Variants in MACROD2 observed in about 807,000 individuals in gnomAD.
MACROD2 encodes the protein ADP-ribose glycohydrolase MACROD2.
Under a neutral mutation model 70.4 loss-of-function variants are expected in MACROD2, and 36 were observed. That is an observed-to-expected ratio of 0.51 (90% confidence interval 0.39 to 0.68). MACROD2 has a LOEUF of 0.68. Ranked by LOEUF, MACROD2 falls within the 30% of genes least tolerant of loss-of-function variation. MACROD2 has a pLI of 0.00. For synonymous variants in MACROD2, 172 were observed against 178.8 expected (o/e 0.96, Z 0.30); for missense variants, 496 against 538.4 (o/e 0.92, Z 0.78).
chr20:15,481,981 A>G (rs1478607685), intron 7 of MACROD2, among the ~76,000 whole-genome samples: 2 of 152,050 alleles, frequency 1.3e-5, no homozygotes, highest in Non-Finnish European at 2.9e-5. Context: ...GGGTTTGTGA[A>G]TCATTATTTA....
intron 7 of MACROD2, among the ~76,000 whole-genome samples, chr20:15,456,258 A>C (rs6034195): frequency 6.6e-6 from 1 of 151,952 alleles, no homozygotes; most frequent in African/African-American, 2.4e-5. Flanking sequence ...CCTAAAACAC[A>C]TCCTTTGCTT....
rs1191892452 is a variant in MACROD2 at position 15,975,337 on chromosome 20, A to AT, written c.985+7708dup. ...TCATCAGCAATTTTGGGAAAACCTA[A>AT]TAAAAGGTAGAATGTTCATACTTTG... On this transcript the variant is annotated intron_variant, in intron 13 of 17. Coordinates refer to ENST00000684519, the MANE Select transcript of MACROD2 (RefSeq NM_001351661.2). Among the ~76,000 whole-genome samples, 4 of 152,272 alleles carry AT rather than the reference A, an allele frequency of 2.6e-5. No homozygotes were observed. In the South Asian group the frequency reaches 8.3e-4, roughly 32 times the overall value.
At chr20:14,402,847 A>G (rs1480360235) in intron 3 of MACROD2, among the ~76,000 whole-genome samples, 2 of 152,140 alleles carry the variant, frequency 1.3e-5, no homozygotes, top group Non-Finnish European at 1.5e-5. Flanking sequence ...TCTTTTGCCA[A>G]ACACTGAACA....
At position 14,065,457 on chromosome 20, in the gene MACROD2, G is replaced by T. The variant is rs1481143336; in HGVS notation, c.164-20164G>T. On this transcript the variant is annotated intron_variant, in intron 2 of 17. Transcript: ENST00000684519. ...CCTGGCAGGAGAAAGGAGTATTTGG[G>T]CATAATTAGTGTTTTTACAAAGTAT... Among the ~76,000 whole-genome samples, 5 of 152,110 alleles carry T rather than the reference G, an allele frequency of 3.3e-5. No homozygotes were observed. In the East Asian group the frequency reaches 9.6e-4, roughly 29 times the overall value.
chr20:14,849,905 A>C, intron 5 of MACROD2: 1 of 492,982 alleles, frequency 2.0e-6, no homozygotes, highest in Non-Finnish European at 4.0e-6. Context: ...TCATCGTAGC[A>C]AATTTGGATG....
rs148412112 is a variant in MACROD2, at chr20:15,455,467, G to A, written c.571+24032G>A. ...CTGAGCAACCCAGAACATTCAACAA[G>A]TAATAAATGAAAACGTCAGGGCCCT... On this transcript the variant is annotated intron_variant, in intron 7 of 17. Transcript: ENST00000684519. 3.9e-3 allele frequency among the ~76,000 whole-genome samples: 601 copies of A among 152,264 alleles called. 1 individual carries two copies. The highest frequency in any genetic ancestry group is 0.013 in the African/African-American group (542 of 41,556).
At chr20:14,654,785 C>G (rs765133552) in intron 4 of MACROD2, among the ~76,000 whole-genome samples, 2 of 152,124 alleles carry the variant, frequency 1.3e-5, no homozygotes, top group Non-Finnish European at 2.9e-5. Context: ...AACAAGAGCT[C>G]TCTATTTCAC....
At chr20:14,678,285 G>T (rs1049707745) in intron 4 of MACROD2, among the ~76,000 whole-genome samples, 2 of 152,096 alleles carry the variant, frequency 1.3e-5, no homozygotes, top group Non-Finnish European at 2.9e-5. Context: ...CTTTAAACAG[G>T]ACTCAGTCTC....
At chr20:15,037,669 T>G (rs1194082140) in intron 5 of MACROD2, among the ~76,000 whole-genome samples, 2 of 147,782 alleles carry the variant, frequency 1.4e-5, no homozygotes, top group Non-Finnish European at 3.0e-5. Context: ...CTTTTAACTA[T>G]TTTAACTTTA....
chr20:14,545,315 T>C (rs1214439439), intron 4 of MACROD2, among the ~76,000 whole-genome samples: 2 of 152,202 alleles, frequency 1.3e-5, no homozygotes, highest in Non-Finnish European at 2.9e-5. Flanking sequence ...TCCTTGGATC[T>C]GGGAGTCCAG....
At chr20:14,354,041 A>G (rs1480827972) in intron 3 of MACROD2, among the ~76,000 whole-genome samples, 2 of 152,056 alleles carry the variant, frequency 1.3e-5, no homozygotes, top group African/African-American at 2.4e-5. Flanking sequence ...TTAGTATTTG[A>G]GTTATTAATT....
At chr20:14,098,337 T>C (rs1368359087) in intron 3 of MACROD2, among the ~76,000 whole-genome samples, 1 of 152,198 alleles carries the variant, frequency 6.6e-6, no homozygotes, top group Non-Finnish European at 1.5e-5. Flanking sequence ...AGTTTTATAA[T>C]AAAAGCCAAG....
intron 3 of MACROD2, among the ~76,000 whole-genome samples, chr20:14,162,055 A>T (rs1248112490): frequency 1.3e-5 from 2 of 152,190 alleles, no homozygotes; most frequent in African/African-American, 4.8e-5. Flanking sequence ...CTTTTGCTGC[A>T]TCCCATAGGT....
chr20:14,768,088 G>A (rs1367011026), intron 5 of MACROD2, among the ~76,000 whole-genome samples: 4 of 151,986 alleles, frequency 2.6e-5, no homozygotes, highest in East Asian at 1.9e-4. Flanking sequence ...GAATACTGCC[G>A]CAATAAACAT....
chr20:15,976,996 A>G (rs372115864), intron 13 of MACROD2, among the ~76,000 whole-genome samples: 1 of 152,164 alleles, frequency 6.6e-6, no homozygotes, highest in African/African-American at 2.4e-5. Context: ...GCTCTATTAA[A>G]TGGGGACCTG....
chr20:15,756,444 A>G lies in MACROD2; in HGVS notation c.646-106301A>G, dbSNP rs555335505. 3.0e-4 allele frequency among the ~76,000 whole-genome samples: 45 copies of G among 152,302 alleles called. No homozygotes were observed. The South Asian group carries it at 8.9e-3, about 30-fold the overall frequency. ...AAAATTTACAAGGAGGTCACATATC[A>G]TATTGATTTTTAACCCCCTAAGCAG... On this transcript the variant is annotated intron_variant, in intron 8 of 17. Coordinates refer to ENST00000684519, the MANE Select transcript of MACROD2 (RefSeq NM_001351661.2).
At chr20:14,599,557 C>T (rs1982350965) in intron 4 of MACROD2, among the ~76,000 whole-genome samples, 1 of 152,084 alleles carries the variant, frequency 6.6e-6, no homozygotes, top group South Asian at 2.1e-4. Flanking sequence ...TAGGTAGAGA[C>T]TGGATTGAGG....
At chr20:15,112,921 C>CT (rs964597078) in intron 5 of MACROD2, among the ~76,000 whole-genome samples, 1 of 143,248 alleles carries the variant, frequency 7.0e-6, no homozygotes, top group Non-Finnish European at 1.6e-5. Flanking sequence ...TCAGAATTTC[C>CT]TTTTTTTTCC....
chr20:15,594,476 T>C (rs1253597077), intron 8 of MACROD2, among the ~76,000 whole-genome samples: 3 of 152,204 alleles, frequency 2.0e-5, no homozygotes, highest in Admixed American at 2.0e-4. Context: ...GTGGGGTTAC[T>C]GGGCTGCCCT....
Sources: allele counts gnomAD v4.1 joint callset (sites outside exome capture counted in the v4.1 genomes callset), GRCh38; gene constraint gnomAD v4.1.1; transcripts MANE v1.5; gene names NCBI Gene and HGNC (gene_info 2026-07-23, HGNC 2026-07-21).